RNF212: variants seen among roughly 807,000 people sequenced by gnomAD.
The protein encoded by RNF212 is probable E3 SUMO-protein ligase RNF212.
A neutral mutation model predicts 34.7 loss-of-function variants in RNF212; 33 were observed. The ratio of observed to expected loss-of-function variants is 0.95; its 90% CI spans 0.72 to 1.27. RNF212 has a LOEUF of 1.27. RNF212 is among the 50% of genes most tolerant of loss of function. The probability of loss-of-function intolerance (pLI) is 0.00; values close to 1 mark genes in which losing one functional copy is unlikely to be tolerated. For missense variants in RNF212, 377 were observed against 362.2 expected, an observed-to-expected ratio of 1.04 and a Z score of -0.33; for synonymous variants, 140 against 136.1, an observed-to-expected ratio of 1.03 and a Z score of -0.20.
intron 8 of RNF212, among the ~76,000 whole-genome samples, chr4:1,075,054 C>T (rs1560103176): frequency 1.3e-5 from 2 of 152,190 alleles, no homozygotes; most frequent in South Asian, 2.1e-4. Flanking sequence ...TGTCTTTCCC[C>T]GTCCTGGTGC....
intron 1 of RNF212, among the ~76,000 whole-genome samples, chr4:1,108,981 G>C (rs954613255): frequency 6.7e-6 from 1 of 150,206 alleles, no homozygotes; most frequent in African/African-American, 2.4e-5. Context: ...GATTGTAGGC[G>C]TGAGCCACTG....
chr4:1,073,812 T>G (rs1171457903), intron 8 of RNF212, 150 bp from the exon 9 acceptor site: 1 of 653,006 alleles, frequency 1.5e-6, no homozygotes, highest in Non-Finnish European at 2.8e-6. Flanking sequence ...AACTTGATTC[T>G]GTGTTCACCT....
downstream of RNF212, among the ~76,000 whole-genome samples, chr4:1,068,551 TAC>T (rs1189893879): frequency 6.6e-6 from 1 of 152,192 alleles, no homozygotes; most frequent in African/African-American, 2.4e-5. Context: ...ACTCCAACAA[TAC>T]AGTGTTATCA....
intron 3 of RNF212, among the ~76,000 whole-genome samples, chr4:1,091,413 G>A (rs1329957548): frequency 6.6e-6 from 1 of 152,174 alleles, no homozygotes; most frequent in Admixed American, 6.5e-5. Context: ...TTTCCTCAGA[G>A]GAAGAAAAGA....
rs1272915692 is a variant in RNF212 at position 1,096,810 on chromosome 4, C to A, written c.201G>T (p.Met67Ile). 1 of 1,613,470 alleles carries A rather than the reference C, an allele frequency of 6.2e-7. No homozygotes were observed. The highest frequency in any genetic ancestry group is 1.3e-5 in the African/African-American group (1 of 74,942). ...ACTTCTTACACAGACTGTCTATGCT[C>A]ATGAAGAATGCCTGGATATCTGCGT... Reference protein sequence around the residue: ...HTDADIQAFFMSIDSLCKKYS... With the variant: ...HTDADIQAFFISIDSLCKKYS... The change falls in exon 3 of 10, where the codon ATG becomes ATT. Residue 67 changes from methionine (M) to isoleucine (I), a missense_variant. Met to Ile is a conservative substitution (Grantham distance 10, BLOSUM62 1). Coordinates refer to ENST00000433731, the MANE Select transcript of RNF212 (RefSeq NM_001131034.4).
downstream of RNF212, among the ~76,000 whole-genome samples, chr4:1,069,989 A>C (rs989427094): frequency 1.3e-5 from 2 of 152,026 alleles, no homozygotes; most frequent in Non-Finnish European, 2.9e-5. Flanking sequence ...GTGGTTTTGT[A>C]GGATTGCGCT....
intron 4 of RNF212, chr4:1,056,560 A>G: frequency 2.4e-6 from 2 of 844,800 alleles, no homozygotes; most frequent in Non-Finnish European, 2.9e-6. Context: ...TGGGGAGAAG[A>G]GTTTATTCAC....
At chr4:1,099,926 C>G (rs772588607) in intron 2 of RNF212, 1 of 454,130 alleles carries the variant, frequency 2.2e-6, no homozygotes, top group Non-Finnish European at 4.4e-6. Flanking sequence ...AGGAAAGGGG[C>G]GCTGCAAAAG....
chr4:1,094,741 C>T (rs1469137405), intron 3 of RNF212, among the ~76,000 whole-genome samples: 2 of 152,172 alleles, frequency 1.3e-5, no homozygotes, highest in Non-Finnish European at 2.9e-5. Flanking sequence ...AAGCAACCTG[C>T]TGCCCTGAAC....
chr4:1,093,682 G>T (rs532434311), intron 3 of RNF212: 1 of 1,536,024 alleles, frequency 6.5e-7, no homozygotes, highest in Non-Finnish European at 8.7e-7. Flanking sequence ...ACCCTGGAGC[G>T]CACGGCCTGT....
intron 8 of RNF212, among the ~76,000 whole-genome samples, chr4:1,077,962 C>G (rs115953578): frequency 3.9e-5 from 6 of 152,342 alleles, no homozygotes; most frequent in Non-Finnish European, 7.4e-5. Flanking sequence ...CTTGACCCAA[C>G]TGCCAAGGAA....
chr4:1,094,903 C>G lies in RNF212; in HGVS notation c.246+1862G>C, dbSNP rs147849078. ...CAAAAGCAAAAACAATAAAACAGAC[C>G]AAATGAACATTGTCAAAATCAGAAC... On this transcript the variant is annotated intron_variant, in intron 3 of 9. Transcript: ENST00000433731. Among the ~76,000 whole-genome samples, 4 of 152,318 alleles carry G rather than the reference C, an allele frequency of 2.6e-5. No individual in the cohort carries two copies. The East Asian group carries it at 7.7e-4, about 29-fold the overall frequency.
At chr4:1,089,381 T>C in intron 4 of RNF212, among the ~76,000 whole-genome samples, 1 of 152,250 alleles carries the variant, frequency 6.6e-6, no homozygotes, top group East Asian at 1.9e-4. Flanking sequence ...CCATTTGGAA[T>C]GGGAACATTT....
chr4:1,101,159 A>T (rs866644624), intron 2 of RNF212: 12 of 183,784 alleles, frequency 6.5e-5, no homozygotes, highest in African/African-American at 2.8e-4. Flanking sequence ...TTGTGGAGTG[A>T]CTGCGACCCC....
intron 8 of RNF212, among the ~76,000 whole-genome samples, chr4:1,079,393 G>T (rs1016320669): frequency 6.6e-6 from 1 of 152,208 alleles, no homozygotes; most frequent in Non-Finnish European, 1.5e-5. Context: ...CCAACACCTC[G>T]TCCGCATTTG....
chr4:1,058,936 G>A (rs1717548827), intron 3 of RNF212, among the ~76,000 whole-genome samples: 1 of 152,224 alleles, frequency 6.6e-6, no homozygotes. Context: ...TGCCGGAAGG[G>A]CAAAAGCGCG....
chr4:1,092,550 A>G (rs527603304), intron 3 of RNF212, among the ~76,000 whole-genome samples: 5 of 152,170 alleles, frequency 3.3e-5, no homozygotes, highest in Non-Finnish European at 7.3e-5. Context: ...GAGACTTGAG[A>G]CACTGGGTGT....
At chr4:1,084,233 G>A (rs1219003795) in intron 5 of RNF212, among the ~76,000 whole-genome samples, 4 of 152,156 alleles carry the variant, frequency 2.6e-5, no homozygotes, top group Non-Finnish European at 1.5e-5. Context: ...TTACAGGCGT[G>A]AGCCACTGCG....
intron 3 of RNF212, among the ~76,000 whole-genome samples, chr4:1,065,291 C>A (rs938843239): frequency 9.2e-5 from 14 of 152,148 alleles, no homozygotes; most frequent in Non-Finnish European, 1.8e-4. Flanking sequence ...CTTAACAACA[C>A]TTGTTATTTT....
Sources: allele counts gnomAD v4.1 joint callset (sites outside exome capture counted in the v4.1 genomes callset), GRCh38; gene constraint gnomAD v4.1.1; transcripts MANE v1.5; gene names NCBI Gene and HGNC (gene_info 2026-07-23, HGNC 2026-07-21).